Variants in PUM2 observed in about 807,000 individuals in gnomAD.
PUM2 encodes the protein pumilio homolog 2.
Under a neutral mutation model 124.5 loss-of-function variants are expected in PUM2, and 57 were observed. The observed-to-expected ratio is 0.46, with a 90% CI of 0.37 to 0.57. PUM2 has a LOEUF of 0.57. PUM2 is among the 20% of genes least tolerant of loss of function. The probability of loss-of-function intolerance (pLI) is 0.00; values close to 1 mark genes in which losing one functional copy is unlikely to be tolerated. For missense variants in PUM2, 1,065 were observed against 1,290.6 expected (o/e 0.83, Z 2.68); for synonymous variants, 460 against 446.1 (o/e 1.03, Z -0.39).
intron 2 of PUM2, chr2:20,326,265 A>C (rs1278917957): frequency 7.7e-7 from 1 of 1,303,594 alleles, no homozygotes; most frequent in Admixed American, 2.3e-5. Context: ...ACTCACCCTT[A>C]AATCAGTCCT....
intron 9 of PUM2, 103 bp downstream of exon 9, chr2:20,294,273 T>C: frequency 1.5e-6 from 2 of 1,336,674 alleles, no homozygotes; most frequent in Non-Finnish European, 2.1e-6. Context: ...GGAGTCGTGT[T>C]ACACAGTGAG....
Position 20,290,767 on chromosome 2 carries a change from C to T in PUM2, c.1176G>A (p.Gln392=), listed in dbSNP as rs748049050. The stretch of plus-strand genomic sequence containing the variant: ...GACCCTGATTGGGAGTAAGAGGACG[C>T]TGACCTGCTCCAGCACGGAGAACCT... ...QQQVLRAGAG[Q]RPLTPNQGQQ... is the part of the protein sequence containing the mutation. The change falls in exon 10 of 21, where the codon CAG becomes CAA. Residue 392 remains glutamine, a synonymous_variant. Transcript: ENST00000361078. The T allele has an allele frequency of 6.8e-6, 11 of 1,607,712 alleles. No homozygotes were observed. Among genetic ancestry groups the T allele is most frequent in the Non-Finnish European group, 9.3e-6 (11 of 1,178,208 alleles).
rs78370785 is a variant in PUM2 at position 20,347,641 on chromosome 2, T to C, written c.-19+2956A>G. Among the ~76,000 whole-genome samples the C allele has an allele frequency of 2.4e-4, 36 of 152,352 alleles. No homozygotes were observed. The East Asian group carries it at 6.9e-3, about 29-fold the overall frequency. On this transcript the variant is annotated intron_variant, in intron 1 of 20. Transcript: ENST00000361078. Reference sequence around the variant, plus strand: ...AAATGATAGGGTTTGAGGAAACCTTTTTCCACAACAGAATTCCGAACTGAC... The same window carrying C: ...AAATGATAGGGTTTGAGGAAACCTTCTTCCACAACAGAATTCCGAACTGAC...
chr2:20,313,169 C>T (rs528847639), intron 3 of PUM2, among the ~76,000 whole-genome samples: 1 of 152,202 alleles, frequency 6.6e-6, no homozygotes, highest in Non-Finnish European at 1.5e-5. Context: ...GACTTCATGA[C>T]TAAAACACCA....
intron 2 of PUM2, among the ~76,000 whole-genome samples, chr2:20,325,291 C>T (rs1055813088): frequency 1.2e-4 from 18 of 152,300 alleles, no homozygotes; most frequent in African/African-American, 3.1e-4. Flanking sequence ...ATGAAGGTTA[C>T]AGATACACTG....
At chr2:20,253,049 T>A (rs993543870) in intron 20 of PUM2, among the ~76,000 whole-genome samples, 1 of 152,206 alleles carries the variant, frequency 6.6e-6, no homozygotes, top group Non-Finnish European at 1.5e-5. Flanking sequence ...GACTTGAGCA[T>A]CCGTGAATTT....
upstream of PUM2, among the ~76,000 whole-genome samples, chr2:20,351,034 C>T (rs935287914): frequency 6.6e-6 from 1 of 152,194 alleles, no homozygotes; most frequent in Non-Finnish European, 1.5e-5. Context: ...GGCGTGCCCT[C>T]CCCCGCCCTC....
rs1419066258 is a variant in PUM2, at chr2:20,250,739, AT to A, written c.*845del. The A allele has an allele frequency of 2.0e-5, 3 of 152,410 alleles. No homozygotes were observed. Among genetic ancestry groups the A allele is most frequent in the Non-Finnish European group, 4.4e-5 (3 of 67,966 alleles). 9.4% of individuals were successfully genotyped at this position (152,410 alleles called of 1,614,324 possible). On this transcript the variant is annotated 3_prime_UTR_variant, in exon 21 of 21. Coordinates refer to ENST00000361078, the MANE Select transcript of PUM2 (RefSeq NM_015317.5). ...TCAACACTTCCTCAACATGTCTGTAATTCTATAAGCAAAACAAAATACAAAT... is the reference window on the plus strand; with the variant it reads ...TCAACACTTCCTCAACATGTCTGTAATCTATAAGCAAAACAAAATACAAAT...
chr2:20,269,903 T>G (rs1254567960), intron 13 of PUM2, among the ~76,000 whole-genome samples: 1 of 152,198 alleles, frequency 6.6e-6, no homozygotes, highest in East Asian at 1.9e-4. Flanking sequence ...AAGGGGAATT[T>G]AAACAGACTA....
intron 14 of PUM2, among the ~76,000 whole-genome samples, chr2:20,262,318 A>T (rs1414217938): frequency 2.6e-5 from 4 of 152,154 alleles, no homozygotes; most frequent in African/African-American, 9.7e-5. Flanking sequence ...ATGATTTTTT[A>T]ATCTTTTATA....
chr2:20,301,010 G>A (rs1676841915), intron 7 of PUM2, among the ~76,000 whole-genome samples: 1 of 152,192 alleles, frequency 6.6e-6, no homozygotes, highest in Admixed American at 6.5e-5. Context: ...GCAATCATTT[G>A]TCTCTTATTT....
At chr2:20,321,886 G>A (rs719148) in intron 2 of PUM2, among the ~76,000 whole-genome samples, 127,075 of 152,062 alleles carry the variant, frequency 0.84, 53,542 homozygotes, top group East Asian at 0.94. Context: ...CCTAACTCCA[G>A]TGTTTGAGGG....
intron 1 of PUM2, among the ~76,000 whole-genome samples, chr2:20,344,503 T>G (rs1288525253): frequency 1.3e-5 from 2 of 152,192 alleles, no homozygotes; most frequent in Non-Finnish European, 2.9e-5. Context: ...ACTGTCCATA[T>G]TAGATAAAGG....
intron 3 of PUM2, among the ~76,000 whole-genome samples, chr2:20,318,019 T>C (rs997918064): frequency 5.3e-5 from 8 of 152,242 alleles, no homozygotes; most frequent in African/African-American, 1.9e-4. Context: ...TGTCTTATGG[T>C]AGCACAATTT....
intron 16 of PUM2, among the ~76,000 whole-genome samples, chr2:20,257,416 A>G (rs1460686177): frequency 1.3e-5 from 2 of 152,200 alleles, no homozygotes; most frequent in Non-Finnish European, 2.9e-5. Flanking sequence ...ATCTCTTTCC[A>G]AACTTAAACT....
intron 13 of PUM2, among the ~76,000 whole-genome samples, chr2:20,265,120 C>T (rs779671073): frequency 2.0e-5 from 3 of 151,932 alleles, no homozygotes; most frequent in Non-Finnish European, 2.9e-5. Flanking sequence ...GGCGCGGTGG[C>T]GTGCACCTGT....
intron 1 of PUM2, among the ~76,000 whole-genome samples, chr2:20,348,320 G>T (rs1428815161): frequency 6.6e-6 from 1 of 152,156 alleles, no homozygotes; most frequent in Non-Finnish European, 1.5e-5. Flanking sequence ...ACAAAGCCAT[G>T]TGAGACTCAA....
At chr2:20,253,788 C>CA in intron 20 of PUM2, 34 bp downstream of exon 20, 1 of 1,552,696 alleles carries the variant, frequency 6.4e-7, no homozygotes, top group Non-Finnish European at 8.8e-7. Flanking sequence ...AACACAAAGA[C>CA]AAACAGTTAT....
chr2:20,289,533 AT>A (rs1463803747), intron 10 of PUM2, among the ~76,000 whole-genome samples: 9 of 152,284 alleles, frequency 5.9e-5, no homozygotes, highest in African/African-American at 2.2e-4. Flanking sequence ...GCAAAAATAT[AT>A]GGCTGGGGTA....
Sources: gnomAD v4.1 joint callset for allele counts (sites outside exome capture counted in the v4.1 genomes callset) on GRCh38, gnomAD v4.1.1 for gene constraint, MANE v1.5 for transcripts, NCBI Gene and HGNC (gene_info 2026-07-23, HGNC 2026-07-21) for gene names.